Variants in DSCAM observed in about 807,000 individuals in gnomAD.
DSCAM encodes DS cell adhesion molecule, also known as cell adhesion molecule DSCAM.
DSCAM carries 47 observed loss-of-function variants against 217.7 expected under a neutral mutation model. The observed-to-expected ratio is 0.22, with a 90% CI of 0.17 to 0.28. The LOEUF (loss-of-function observed/expected upper bound fraction) is 0.28, where lower values mean the gene tolerates loss of function less well. Ranked by LOEUF, DSCAM falls within the 10% of genes least tolerant of loss-of-function variation. DSCAM has a pLI of 1.00. For synonymous variants in DSCAM, 1,056 were observed against 1,015.3 expected (o/e 1.04, Z -0.76); for missense variants, 2,080 against 2,618.3 (o/e 0.79, Z 4.49).
At chr21:40,557,961 C>T (rs1336022279) in intron 3 of DSCAM, among the ~76,000 whole-genome samples, 1 of 152,198 alleles carries the variant, frequency 6.6e-6, no homozygotes, top group Non-Finnish European at 1.5e-5. Context: ...ACTGATCCTA[C>T]AGTATCTTAT....
At chr21:40,143,624 T>C (rs2090319027) in intron 17 of DSCAM, among the ~76,000 whole-genome samples, 1 of 152,174 alleles carries the variant, frequency 6.6e-6, no homozygotes, top group South Asian at 2.1e-4. Context: ...AACCCGTCTC[T>C]ACTAATAATA....
intron 11 of DSCAM, among the ~76,000 whole-genome samples, chr21:40,228,821 G>A (rs1188332825): frequency 6.6e-6 from 1 of 151,782 alleles, no homozygotes; most frequent in African/African-American, 2.4e-5. Context: ...GGACAGTTGT[G>A]TTTATTGCTA....
intron 3 of DSCAM, among the ~76,000 whole-genome samples, chr21:40,396,096 T>C (rs969127709): frequency 6.6e-6 from 1 of 152,316 alleles, no homozygotes; most frequent in Admixed American, 6.5e-5. Context: ...GGTTCCTAAA[T>C]CGAGATGACA....
intron 16 of DSCAM, among the ~76,000 whole-genome samples, chr21:40,153,826 G>A (rs2090448899): frequency 6.6e-6 from 1 of 152,178 alleles, no homozygotes; most frequent in African/African-American, 2.4e-5. Flanking sequence ...CAGTGATTTA[G>A]ATTTGGCTTT....
rs190516818 is a variant in DSCAM, at chr21:40,187,877, T to C, written c.2650+14A>G. 1,100 of 1,601,984 alleles carry C rather than the reference T, an allele frequency of 6.9e-4. 1 individual carries two copies. Among genetic ancestry groups the C allele is most frequent in the Admixed American group, 1.6e-3 (94 of 60,016 alleles). Reference sequence around the variant, plus strand: ...AATGACTGTGTTTATTCTCTTACGCTATCGTCTTCCTACCTTGCACTGTGA... The same window carrying C: ...AATGACTGTGTTTATTCTCTTACGCCATCGTCTTCCTACCTTGCACTGTGA... On this transcript the variant is annotated intron_variant, in intron 13 of 32. Transcript: ENST00000400454.
intron 1 of DSCAM, among the ~76,000 whole-genome samples, chr21:40,785,542 A>C (rs180895383): frequency 6.6e-6 from 1 of 152,264 alleles, no homozygotes; most frequent in Non-Finnish European, 1.5e-5. Context: ...AAAGCATAAA[A>C]GTAAGGCTTT....
chr21:40,829,310 T>A (rs2091994585), intron 1 of DSCAM, among the ~76,000 whole-genome samples: 1 of 151,798 alleles, frequency 6.6e-6, no homozygotes, highest in Non-Finnish European at 1.5e-5. Flanking sequence ...GAGTTTGAGG[T>A]TTGGGGAGGT....
chr21:40,283,799 G>A lies in DSCAM; in HGVS notation c.2183-7529C>T, dbSNP rs554692821. The stretch of plus-strand genomic sequence containing the variant: ...CACATAAAGTGAAGCAAGATTGTAT[G>A]AATGTGGGTATAAATGCCTGCATGC... On this transcript the variant is annotated intron_variant, in intron 10 of 32. Coordinates refer to ENST00000400454, the MANE Select transcript of DSCAM (RefSeq NM_001389.5). Among the ~76,000 whole-genome samples the A allele has an allele frequency of 8.5e-4, 129 of 152,334 alleles. 1 individual carries two copies. The highest frequency in any genetic ancestry group is 2.9e-3 in the African/African-American group (121 of 41,552).
chr21:40,713,851 A>G (rs1309476109), intron 1 of DSCAM, among the ~76,000 whole-genome samples: 1 of 152,170 alleles, frequency 6.6e-6, no homozygotes, highest in African/African-American at 2.4e-5. Context: ...CATTAATCTA[A>G]TAACTAGATG....
At chr21:40,257,497 C>CACACACACACA (rs975639777) in intron 11 of DSCAM, among the ~76,000 whole-genome samples, 1 of 151,594 alleles carries the variant, frequency 6.6e-6, no homozygotes, top group Non-Finnish European at 1.5e-5. Context: ...CACACACACA[C>CACACACACACA]AATGGCAAAC....
intron 3 of DSCAM, among the ~76,000 whole-genome samples, chr21:40,512,455 G>A (rs2076266932): frequency 6.6e-6 from 1 of 152,128 alleles, no homozygotes; most frequent in African/African-American, 2.4e-5. Flanking sequence ...TCAGAGACAT[G>A]TGAATGAAGG....
At chr21:40,386,919 T>C (rs1237167367) in intron 3 of DSCAM, among the ~76,000 whole-genome samples, 1 of 152,198 alleles carries the variant, frequency 6.6e-6, no homozygotes, top group Non-Finnish European at 1.5e-5. Context: ...TAAGTTTTGG[T>C]CATTTCTCTC....
At chr21:40,280,181 CTTTT>C (rs3988427) in intron 10 of DSCAM, among the ~76,000 whole-genome samples, 1 of 118,936 alleles carries the variant, frequency 8.4e-6, no homozygotes, top group Non-Finnish European at 1.6e-5. Flanking sequence ...ATTTTGGTGC[CTTTT>C]TTTTTTTTTT....
At chr21:40,247,509 C>A (rs2073242709) in intron 11 of DSCAM, among the ~76,000 whole-genome samples, 1 of 152,202 alleles carries the variant, frequency 6.6e-6, no homozygotes. Flanking sequence ...AGCCCACAAT[C>A]CAGCAGGGCA....
intron 11 of DSCAM, among the ~76,000 whole-genome samples, chr21:40,248,295 C>G (rs150941406): frequency 9.3e-4 from 141 of 152,340 alleles, no homozygotes; most frequent in African/African-American, 3.2e-3. Context: ...ATTTTCTTTT[C>G]TATCACATTG....
intron 3 of DSCAM, among the ~76,000 whole-genome samples, chr21:40,678,100 C>G (rs543515828): frequency 6.6e-6 from 1 of 152,016 alleles, no homozygotes; most frequent in East Asian, 1.9e-4. Flanking sequence ...AAGTTTATTT[C>G]AAAATGAATC....
In DSCAM at chr21:40,025,885, G is replaced by A. The variant is rs900454514; in HGVS notation, c.5687-12499C>T. Reference sequence around the variant, plus strand: ...TCTCTATTTGCTTCGGTTCTACTCTGATTTTAGTTATTTCTTGCCTTCTGC... The same window carrying A: ...TCTCTATTTGCTTCGGTTCTACTCTAATTTTAGTTATTTCTTGCCTTCTGC... On this transcript the variant is annotated intron_variant, in intron 32 of 32. Coordinates refer to ENST00000400454, the MANE Select transcript of DSCAM (RefSeq NM_001389.5). Among the ~76,000 whole-genome samples the A allele has an allele frequency of 5.3e-5, 8 of 150,398 alleles. 1 individual carries two copies. The highest frequency in any genetic ancestry group is 2.0e-4 in the African/African-American group (8 of 40,496).
chr21:40,185,536 C>T (rs1019083308), intron 14 of DSCAM, among the ~76,000 whole-genome samples: 1 of 152,182 alleles, frequency 6.6e-6, no homozygotes, highest in Non-Finnish European at 1.5e-5. Context: ...TGCTCCCGCA[C>T]CAACAGCATG....
intron 11 of DSCAM, among the ~76,000 whole-genome samples, chr21:40,205,079 T>TA (rs1254764804): frequency 1.3e-5 from 2 of 152,148 alleles, no homozygotes; most frequent in Admixed American, 1.3e-4. Flanking sequence ...AATCAGGAGG[T>TA]ATTTTATGAC....
Sources: allele counts gnomAD v4.1 joint callset (sites outside exome capture counted in the v4.1 genomes callset), GRCh38; gene constraint gnomAD v4.1.1; transcripts MANE v1.5; gene names NCBI Gene and HGNC (gene_info 2026-07-23, HGNC 2026-07-21).